The following SHROOM2 variants were observed in gnomAD, a reference collection of about 807,000 sequenced individuals.
The protein encoded by SHROOM2 is shroom family member 2.
A neutral mutation model predicts 75.9 loss-of-function variants in SHROOM2; 33 were observed. The observed-to-expected ratio is 0.43, with a 90% CI of 0.33 to 0.58. SHROOM2 has a LOEUF of 0.58. SHROOM2 is among the 20% of genes least tolerant of loss of function. The probability of loss-of-function intolerance (pLI) is 0.04; values close to 1 mark genes in which losing one functional copy is unlikely to be tolerated. For missense variants in SHROOM2, 1,434 were observed against 1,461.2 expected (o/e 0.98, Z 0.30); for synonymous variants, 655 against 663.6 (o/e 0.99, Z 0.20).
At chrX:9,806,536 G>A (rs1213845957) in intron 1 of SHROOM2, among the ~76,000 whole-genome samples, 1 of 104,827 alleles carries the variant, frequency 9.5e-6, no homozygotes, top group Non-Finnish European at 1.9e-5. Context: ...GTCTCCTTGT[G>A]CCAGCACAAT....
chrX:9,925,320 G>A (rs972310772), intron 5 of SHROOM2, among the ~76,000 whole-genome samples: 2 of 112,428 alleles, frequency 1.8e-5, no homozygotes, highest in Non-Finnish European at 3.8e-5. Context: ...GCCTGGTGGC[G>A]CCGTGCTTCT....
intron 1 of SHROOM2, 35 bp from the exon 2 acceptor site, chrX:9,873,617 G>A (rs371447346): frequency 3.2e-5 from 39 of 1,204,782 alleles, no homozygotes; most frequent in Admixed American, 8.8e-5. Flanking sequence ...ATTGCTGCTC[G>A]TGGAAGGCTC....
At chrX:9,799,157 C>CT (rs58508176) in intron 1 of SHROOM2, among the ~76,000 whole-genome samples, 958 of 61,344 alleles carry the variant, frequency 0.016, 214 homozygotes, top group African/African-American at 0.052. Flanking sequence ...GAGTTTAATT[C>CT]TTTTTTTTTT....
chrX:9,828,626 A>G (rs891400172), intron 1 of SHROOM2, among the ~76,000 whole-genome samples: 1 of 109,982 alleles, frequency 9.1e-6, no homozygotes, highest in Non-Finnish European at 1.9e-5. Flanking sequence ...TACCATTCCC[A>G]GTTAATGTTA....
intron 8 of SHROOM2, 109 bp downstream of exon 8, chrX:9,939,475 GT>G (rs2084750059): frequency 5.8e-6 from 4 of 684,164 alleles, no homozygotes; most frequent in Non-Finnish European, 8.6e-6. Context: ...GTCCCAGGGC[GT>G]TTGTGTTCAG....
intron 1 of SHROOM2, among the ~76,000 whole-genome samples, chrX:9,798,046 G>A (rs1737139386): frequency 9.0e-6 from 1 of 111,640 alleles, no homozygotes; most frequent in Non-Finnish European, 1.9e-5. Flanking sequence ...AGCAAAGAGA[G>A]GAGAGATAAA....
At chrX:9,919,679 C>A (rs1341483782) in intron 5 of SHROOM2, among the ~76,000 whole-genome samples, 2 of 110,501 alleles carry the variant, frequency 1.8e-5, no homozygotes, top group Non-Finnish European at 3.8e-5. Flanking sequence ...TGGGGAGGGT[C>A]CCAAAAAGTG....
At chrX:9,812,401 C>T in intron 1 of SHROOM2, among the ~76,000 whole-genome samples, 1 of 112,005 alleles carries the variant, frequency 8.9e-6, no homozygotes, top group South Asian at 3.7e-4. Flanking sequence ...GTAACACACC[C>T]AAATGAGGTG....
rs753314483 is a variant in SHROOM2, at chrX:9,944,868, G to A, written c.4539G>A (p.Glu1513=). ...LSLSGRLARV[E]NALNNLDDGA... ...TGTCAGGCCGCCTGGCCCGGGTGGA[G>A]AATGCCCTCAATAATTTGGACGACG... The change falls in exon 9 of 10, where the codon GAG becomes GAA. Residue 1513 remains glutamate (E), a synonymous_variant. Transcript: ENST00000380913. 8.3e-7 allele frequency: 1 copy of A among 1,210,541 alleles called. No homozygotes were observed. The highest frequency in any genetic ancestry group is 1.1e-6 in the Non-Finnish European group (1 of 894,780).
chrX:9,936,029 T>C (rs1471965693), intron 6 of SHROOM2, among the ~76,000 whole-genome samples: 3 of 111,252 alleles, frequency 2.7e-5, no homozygotes, highest in Non-Finnish European at 3.8e-5. Flanking sequence ...CTGGGCCTGT[T>C]CCTCCTGTTC....
rs777138633 is a variant in SHROOM2, at chrX:9,949,398, C to T, written c.*2461C>T. On this transcript the variant is annotated 3_prime_UTR_variant, in exon 10 of 10. Coordinates refer to ENST00000380913, the MANE Select transcript of SHROOM2 (RefSeq NM_001649.4). ...ACTTACCACTCACCTATCAACAGATCATCCTGCTTGACTGTAACAAAATAA... is the reference window on the plus strand; with the variant it reads ...ACTTACCACTCACCTATCAACAGATTATCCTGCTTGACTGTAACAAAATAA... The T allele has an allele frequency of 9.1e-6, 3 of 331,006 alleles. No individual in the cohort carries two copies. Among genetic ancestry groups the T allele is most frequent in the Non-Finnish European group, 1.8e-5 (3 of 170,105 alleles). 27.3% of individuals were successfully genotyped at this position (331,006 alleles called of 1,213,427 possible).
intron 1 of SHROOM2, among the ~76,000 whole-genome samples, chrX:9,850,797 A>G (rs1466084220): frequency 1.0e-5 from 1 of 100,448 alleles, no homozygotes; most frequent in Admixed American, 1.2e-4. Context: ...GTGCCACTGC[A>G]CTCCAGCCTG....
intron 5 of SHROOM2, among the ~76,000 whole-genome samples, chrX:9,927,417 G>A (rs1367926954): frequency 2.0e-5 from 2 of 97,924 alleles, no homozygotes; most frequent in Non-Finnish European, 4.1e-5. Context: ...TGTGGTGTGT[G>A]TTCCTTAAGT....
intron 5 of SHROOM2, among the ~76,000 whole-genome samples, chrX:9,924,210 A>G (rs1397353752): frequency 8.9e-6 from 1 of 112,251 alleles, no homozygotes; most frequent in African/African-American, 3.2e-5. Flanking sequence ...CTGTGAGAAC[A>G]GCTGTGTCCT....
intron 1 of SHROOM2, among the ~76,000 whole-genome samples, chrX:9,805,630 G>A (rs1601915357): frequency 8.9e-6 from 1 of 112,108 alleles, no homozygotes; most frequent in South Asian, 3.8e-4. Flanking sequence ...CCAGCTGCTC[G>A]GGAGGCTGAG....
Position 9,850,831 on chromosome X carries a change from CAAA to C in SHROOM2, c.166-22807_166-22805del, listed in dbSNP as rs757769302. ...TGGGCTAGCGGATAAGACTCTGTGT[CAAA>C]AAAAAAAAAAAAAGAGAAAACAAAC... is the stretch of plus-strand genomic sequence containing the variant. On this transcript the variant is annotated intron_variant, in intron 1 of 9. Coordinates refer to ENST00000380913, the MANE Select transcript of SHROOM2 (RefSeq NM_001649.4). Among the ~76,000 whole-genome samples the C allele has an allele frequency of 2.6e-3, 198 of 76,239 alleles. 1 individual carries two copies. Among genetic ancestry groups the C allele is most frequent in the South Asian group, 3.7e-3 (5 of 1,352 alleles). The allele number at this position is 76,239 out of a possible 115,157, so 66.2% of individuals were successfully genotyped here.
intron 9 of SHROOM2, 89 bp downstream of exon 9, chrX:9,945,002 C>G: frequency 1.0e-6 from 1 of 984,474 alleles, no homozygotes. Context: ...CTCCTTGGAG[C>G]CTAGCATAGC....
chrX:9,836,656 G>A (rs1411710452), intron 1 of SHROOM2, among the ~76,000 whole-genome samples: 1 of 109,585 alleles, frequency 9.1e-6, no homozygotes, highest in African/African-American at 3.3e-5. Flanking sequence ...TGAACTCCTG[G>A]CCTGAAGCAA....
intron 1 of SHROOM2, among the ~76,000 whole-genome samples, chrX:9,862,441 C>A (rs2084109784): frequency 9.1e-6 from 1 of 109,805 alleles, no homozygotes; most frequent in South Asian, 4.1e-4. Flanking sequence ...TAGGGAGCCA[C>A]CCCCGGCATG....
Sources: gnomAD v4.1 joint callset for allele counts (sites outside exome capture counted in the v4.1 genomes callset) on GRCh38, gnomAD v4.1.1 for gene constraint, MANE v1.5 for transcripts, NCBI Gene and HGNC (gene_info 2026-07-23, HGNC 2026-07-21) for gene names.